The following C2CD3 variants were observed in gnomAD, a reference collection of about 807,000 sequenced individuals.
The protein encoded by C2CD3 is C2 domain-containing protein 3.
In C2CD3, 148 loss-of-function variants were observed where a neutral mutation model predicts 234.0. The ratio of observed to expected loss-of-function variants is 0.63; its 90% CI spans 0.55 to 0.72. The LOEUF is 0.72. C2CD3 is among the 30% of genes least tolerant of loss of function. The probability of loss-of-function intolerance (pLI) is 0.00; values close to 1 mark genes in which losing one functional copy is unlikely to be tolerated. For synonymous variants in C2CD3, 1,000 were observed against 1,035.4 expected, an observed-to-expected ratio of 0.97 and a Z score of 0.66; for missense variants, 2,577 against 2,811.5, an observed-to-expected ratio of 0.92 and a Z score of 1.89.
At chr11:74,129,423 T>C (rs1590888449) in intron 7 of C2CD3, 1 of 177,826 alleles carries the variant, frequency 5.6e-6, no homozygotes, top group East Asian at 1.8e-4. Flanking sequence ...GAGGCGCTCC[T>C]CACATCCCAG....
At chr11:74,161,884 T>C (rs1565359250) in intron 2 of C2CD3, among the ~76,000 whole-genome samples, 1 of 149,028 alleles carries the variant, frequency 6.7e-6, no homozygotes, top group Admixed American at 6.8e-5. Flanking sequence ...GGCACAATCA[T>C]AGTTCACTGC....
At chr11:74,096,183 G>T (rs960499966) in intron 16 of C2CD3, among the ~76,000 whole-genome samples, 2 of 152,182 alleles carry the variant, frequency 1.3e-5, no homozygotes, top group African/African-American at 4.8e-5. Context: ...GTGGAACCAG[G>T]TTTAGACTCA....
Position 74,050,830 on chromosome 11 carries a change from T to C in C2CD3, c.5156-1288A>G, listed in dbSNP as rs142141143. ...ACATCTTCCTGCATGAAAAACTTGA[T>C]AAATATTCACTGAAAGCACAAGTAA... On this transcript the variant is annotated intron_variant, in intron 26 of 32. Coordinates refer to ENST00000334126, the MANE Select transcript of C2CD3 (RefSeq NM_001286577.2). Among the ~76,000 whole-genome samples, 44 of 151,398 alleles carry C rather than the reference T, an allele frequency of 2.9e-4. 1 individual carries two copies. In the East Asian group the frequency reaches 8.3e-3, roughly 29 times the overall value.
At chr11:74,146,694 A>C (rs1041526688) in intron 3 of C2CD3, among the ~76,000 whole-genome samples, 2 of 143,432 alleles carry the variant, frequency 1.4e-5, no homozygotes, top group African/African-American at 5.2e-5. Flanking sequence ...CTTTGTCTAC[A>C]AGGCTAAAAG....
chr11:74,045,653 C>T (rs1419111239), intron 28 of C2CD3, among the ~76,000 whole-genome samples: 2 of 152,072 alleles, frequency 1.3e-5, no homozygotes, highest in East Asian at 3.9e-4. Context: ...CTCACTGTAG[C>T]CTCGACCTCC....
intron 2 of C2CD3, among the ~76,000 whole-genome samples, chr11:74,165,626 T>C (rs1856756045): frequency 6.6e-6 from 1 of 152,164 alleles, no homozygotes; most frequent in Non-Finnish European, 1.5e-5. Context: ...TGAACTAATA[T>C]TTGATGTCTT....
chr11:74,055,641 T>C (rs375363413), intron 25 of C2CD3, among the ~76,000 whole-genome samples: 2 of 152,250 alleles, frequency 1.3e-5, no homozygotes, highest in East Asian at 3.8e-4. Flanking sequence ...TATTATCACC[T>C]GAGTGACTCT....
At chr11:74,108,863 G>A (rs1235998052) in intron 12 of C2CD3, among the ~76,000 whole-genome samples, 171 bp downstream of exon 12, 2 of 150,900 alleles carry the variant, frequency 1.3e-5, no homozygotes, top group Non-Finnish European at 3.0e-5. Flanking sequence ...AAACAGCAGA[G>A]ATTAGTAGTA....
At chr11:74,047,757 T>C (rs2135428212) in intron 28 of C2CD3, among the ~76,000 whole-genome samples, 1 of 152,312 alleles carries the variant, frequency 6.6e-6, no homozygotes, top group South Asian at 2.1e-4. Context: ...GCAGCAACCT[T>C]ATTCTTAGAC....
chr11:74,166,342 C>G (rs1253458028), intron 2 of C2CD3, among the ~76,000 whole-genome samples: 1 of 150,488 alleles, frequency 6.6e-6, no homozygotes, highest in Non-Finnish European at 1.5e-5. Flanking sequence ...AAAACCATGT[C>G]ATGTCTACAG....
chr11:74,130,155 G>A (rs1333358164), intron 7 of C2CD3, among the ~76,000 whole-genome samples: 1 of 144,836 alleles, frequency 6.9e-6, no homozygotes, highest in African/African-American at 2.7e-5. Flanking sequence ...GAGGGGAGAG[G>A]GGAGAGGGGA....
In C2CD3 at chr11:74,138,674, C is replaced by T. The variant is rs754883346; in HGVS notation, c.955+46G>A. On this transcript the variant is annotated intron_variant, in intron 5 of 32. Transcript: ENST00000334126. ...AGGCTGGCTAACAAGCAGAGCAATC[C>T]CATAAACGTAGTTTAGTCTGACTCA... is the stretch of plus-strand genomic sequence containing the variant. 7 of 1,501,792 alleles carry T rather than the reference C, an allele frequency of 4.7e-6. No homozygotes were observed. In the Admixed American group the frequency reaches 1.0e-4, roughly 22 times the overall value. The allele number at this position is 1,501,792 out of a possible 1,614,324, so 93.0% of individuals were successfully genotyped here. A position where few individuals can be genotyped will look rare whatever the true frequency, so the allele number is the denominator to read the frequency against.
intron 20 of C2CD3, among the ~76,000 whole-genome samples, chr11:74,088,293 G>A (rs1955737892): frequency 6.6e-6 from 1 of 152,264 alleles, no homozygotes; most frequent in African/African-American, 2.4e-5. Context: ...CATTTCAGAT[G>A]AAGAAACCGA....
rs369902736 is a variant in C2CD3 at position 74,095,313 on chromosome 11, T to C, written c.3075A>G (p.Gly1025=). 41 of 1,613,338 alleles carry C rather than the reference T, an allele frequency of 2.5e-5. No homozygotes were observed. Among genetic ancestry groups the C allele is most frequent in the Non-Finnish European group, 3.4e-5 (40 of 1,179,440 alleles). ...GLAPLQATVW[G]EADCYVQYYF... Reference sequence around the variant, plus strand: ...AGTACTGGACATAACAATCTGCTTCTCCCCAGACTGTTGCCTGAAGAGGGG... The same window carrying C: ...AGTACTGGACATAACAATCTGCTTCCCCCCAGACTGTTGCCTGAAGAGGGG... Residue 1025 remains glycine (G), a synonymous_variant, in exon 17 of 33, where the codon GGA becomes GGG. Coordinates refer to ENST00000334126, the MANE Select transcript of C2CD3 (RefSeq NM_001286577.2).
chr11:74,067,181 A>T (rs951022478), intron 24 of C2CD3, among the ~76,000 whole-genome samples: 1 of 152,220 alleles, frequency 6.6e-6, no homozygotes, highest in African/African-American at 2.4e-5. Context: ...GAAATAATAA[A>T]GAAAGAAACT....
chr11:74,161,413 G>T lies in C2CD3; in HGVS notation c.469C>A (p.Leu157Ile). 1 of 1,574,910 alleles carries T rather than the reference G, an allele frequency of 6.3e-7. No homozygotes were observed. The highest frequency in any genetic ancestry group is 8.6e-7 in the Non-Finnish European group (1 of 1,165,184). Residue 157 changes from leucine to isoleucine, a missense_variant, in exon 3 of 33, where the codon CTT becomes ATT. By Grantham distance (5) the Leu-to-Ile change is conservative (BLOSUM62 2). Transcript: ENST00000334126. ...TATATTTTTACCTGGAGTTCTCCAA[G>T]TTTCTTAGACGTTGATGAAACAATG... is the stretch of plus-strand genomic sequence containing the variant. ...FTIVSSTSKK[L>I]GELQVSLALE... is the part of the protein sequence containing the mutation.
chr11:74,114,690 G>T, intron 9 of C2CD3, 97 bp from the exon 10 acceptor site: 2 of 798,484 alleles, frequency 2.5e-6, no homozygotes, highest in Non-Finnish European at 4.3e-6. Flanking sequence ...AGGGAGGGCA[G>T]CAAGTTTTTA....
At chr11:74,078,822 G>T (rs1955194743) in intron 22 of C2CD3, 105 bp from the exon 23 acceptor site, 12 of 1,093,088 alleles carry the variant, frequency 1.1e-5, no homozygotes, top group Non-Finnish European at 1.5e-5. Context: ...GCTCAAGACA[G>T]AACAGAAAAC....
At position 74,074,374 on chromosome 11, in the gene C2CD3, G is replaced by C; in HGVS notation, c.4830C>G (p.Thr1610=). The C allele has an allele frequency of 6.2e-7, 1 of 1,614,222 alleles. No homozygotes were observed. Among genetic ancestry groups the C allele is most frequent in the Non-Finnish European group, 8.5e-7 (1 of 1,180,026 alleles). Residue 1610 remains threonine (T), a synonymous_variant, in exon 24 of 33, where the codon ACC becomes ACG. Coordinates refer to ENST00000334126, the MANE Select transcript of C2CD3 (RefSeq NM_001286577.2). ...ISCHQKSPAS[T]QVPCSSTTAE... ...CTGTGGTGCTGCTGCAGGGGACCTG[G>C]GTGGAGGCAGGAGACTTCTGGTGGC... is the stretch of plus-strand genomic sequence containing the variant.
Sources: gnomAD v4.1 joint callset for allele counts (sites outside exome capture counted in the v4.1 genomes callset) on GRCh38, gnomAD v4.1.1 for gene constraint, MANE v1.5 for transcripts, NCBI Gene and HGNC (gene_info 2026-07-23, HGNC 2026-07-21) for gene names.